COL5A1: variants seen among roughly 807,000 people sequenced by gnomAD.
The protein encoded by COL5A1 is collagen type V alpha 1 chain, also known as collagen alpha-1(V) chain.
In COL5A1, 16 loss-of-function variants were observed where a neutral mutation model predicts 263.7. The observed-to-expected ratio is 0.06, with a 90% confidence interval of 0.04 to 0.09. COL5A1 has a LOEUF of 0.09. COL5A1 is among the 10% of genes least tolerant of loss of function. The pLI is 1.00. For missense variants in COL5A1, 2,036 were observed against 2,540.5 expected, an observed-to-expected ratio of 0.80 and a Z score of 4.27; for synonymous variants, 1,012 against 1,004.5, an observed-to-expected ratio of 1.01 and a Z score of -0.14.
chr9:134,736,442 C>G (rs1412327666), intron 9 of COL5A1, among the ~76,000 whole-genome samples: 1 of 152,206 alleles, frequency 6.6e-6, no homozygotes, highest in Non-Finnish European at 1.5e-5. Context: ...CCTAACGAGC[C>G]CGCTCCCATC....
At chr9:134,663,679 G>A (rs1832275220) in intron 1 of COL5A1, among the ~76,000 whole-genome samples, 1 of 152,228 alleles carries the variant, frequency 6.6e-6, no homozygotes, top group Non-Finnish European at 1.5e-5. Flanking sequence ...AAAGTACAGA[G>A]GGAAATGCGT....
chr9:134,685,924 A>G (rs372298474), intron 1 of COL5A1, among the ~76,000 whole-genome samples: 11,572 of 143,500 alleles, frequency 0.081, 506 homozygotes, highest in Non-Finnish European at 0.094. Flanking sequence ...CCATTCATCC[A>G]TCCACCCATC....
chr9:134,826,449 C>A (rs1434912974), intron 63 of COL5A1, among the ~76,000 whole-genome samples: 2 of 152,168 alleles, frequency 1.3e-5, no homozygotes, highest in Non-Finnish European at 2.9e-5. Context: ...ACTTAAATAC[C>A]CACCTCTGTG....
chr9:134,701,373 C>A, intron 4 of COL5A1, 40 bp downstream of exon 4: 1 of 1,598,994 alleles, frequency 6.3e-7, no homozygotes, highest in Non-Finnish European at 8.5e-7. Context: ...CCCACCAGGG[C>A]ACTCCTCCTG....
chr9:134,819,781 G>A (rs118043295), intron 57 of COL5A1, among the ~76,000 whole-genome samples: 2,970 of 152,342 alleles, frequency 0.019, 43 homozygotes, highest in Non-Finnish European at 0.031. Flanking sequence ...AGGAGCAGGC[G>A]TTCGGATTTG....
At chr9:134,763,142 T>C (rs1242561871) in intron 19 of COL5A1, among the ~76,000 whole-genome samples, 1 of 152,186 alleles carries the variant, frequency 6.6e-6, no homozygotes, top group Non-Finnish European at 1.5e-5. Context: ...TGAGCATACA[T>C]GCTTGCATGT....
intron 1 of COL5A1, among the ~76,000 whole-genome samples, chr9:134,679,488 G>C (rs1288718203): frequency 2.6e-4 from 14 of 52,980 alleles, no homozygotes; most frequent in East Asian, 6.2e-4. Flanking sequence ...TGTGGGGCTG[G>C]TTAGGGGCAC....
rs1837600338 is a variant in COL5A1 at position 134,789,656 on chromosome 9, G to A, written c.2700+448G>A. On this transcript the variant is annotated intron_variant, in intron 32 of 65. Transcript: ENST00000371817. This position sits in a 1 kb window ranked among gnomAD's most constrained non-coding sequence, Gnocchi z 4.8. ...CATTTAAATTAACATTAACTTGGACGGGATTAGCAAGCTGCCATTGTCATA... is the reference window on the plus strand; with the variant it reads ...CATTTAAATTAACATTAACTTGGACAGGATTAGCAAGCTGCCATTGTCATA... Among the ~76,000 whole-genome samples the A allele has an allele frequency of 2.0e-5, 3 of 152,170 alleles. No individual in the cohort carries two copies. Among genetic ancestry groups the A allele is most frequent in the South Asian group, 2.1e-4 (1 of 4,828 alleles).
chr9:134,703,247 A>C (rs1833731202), intron 4 of COL5A1, among the ~76,000 whole-genome samples: 1 of 152,180 alleles, frequency 6.6e-6, no homozygotes, highest in African/African-American at 2.4e-5. Flanking sequence ...CTATTGAGAC[A>C]CACCCTCCGG....
chr9:134,827,581 C>T (rs114677196), intron 63 of COL5A1, among the ~76,000 whole-genome samples: 2,135 of 152,352 alleles, frequency 0.014, 56 homozygotes, highest in African/African-American at 0.048. Flanking sequence ...AATCACGGGC[C>T]AGACTCCTCC....
intron 18 of COL5A1, among the ~76,000 whole-genome samples, chr9:134,760,727 GCACACACACCACACATGCA>G (rs1821337254): frequency 9.3e-6 from 1 of 107,706 alleles, no homozygotes; most frequent in African/African-American, 3.8e-5. Context: ...ATACACACAT[GCACACACACCACACATGCA>G]CACACACCCC....
intron 53 of COL5A1, 33 bp from the exon 54 acceptor site, chr9:134,817,745 A>T (rs564796732): frequency 1.2e-6 from 2 of 1,606,532 alleles, no homozygotes; most frequent in Admixed American, 3.4e-5. Flanking sequence ...TGCAGGCCAC[A>T]CTCACCACCT....
chr9:134,643,056 T>A (rs570784759), intron 1 of COL5A1, among the ~76,000 whole-genome samples: 28 of 152,302 alleles, frequency 1.8e-4, no homozygotes, highest in African/African-American at 6.7e-4. Flanking sequence ...AGATGTGGGA[T>A]TCCTTCTGCC....
Position 134,768,586 on chromosome 9 carries a change from A to T in COL5A1, c.2286+123A>T, listed in dbSNP as rs1440867163. ...GCATTGACTCATTCTGGCTCTGTTGATGAAGACCCGTTTGGTCTCCAGTTG... is the reference window on the plus strand; with the variant it reads ...GCATTGACTCATTCTGGCTCTGTTGTTGAAGACCCGTTTGGTCTCCAGTTG... On this transcript the variant is annotated intron_variant, in intron 25 of 65. Coordinates refer to ENST00000371817, the MANE Select transcript of COL5A1 (RefSeq NM_000093.5). 5 of 988,784 alleles carry T rather than the reference A, an allele frequency of 5.1e-6. No homozygotes were observed. In the South Asian group the frequency reaches 6.7e-5, roughly 13 times the overall value. The allele number at this position is 988,784 out of a possible 1,614,324, so 61.3% of individuals were successfully genotyped here. A position where few individuals can be genotyped will look rare whatever the true frequency, so the allele number is the denominator to read the frequency against.
rs1564488144 is a variant in COL5A1 at position 134,825,796 on chromosome 9, A to C, written c.4959A>C (p.Glu1653Asp). ...CTCCCCGTCTCTGAAATCCAGGTGA[A>C]TACTGGGTCGATCCTAACCAAGGAT... ...QLCHPDFPDG[E>D]YWVDPNQGCS... The change falls in exon 63 of 66, where the codon GAA becomes GAC. Residue 1653 changes from glutamate (E) to aspartate (D), a missense_variant. Glu to Asp is a conservative substitution (Grantham distance 45). This residue lies in a region of COL5A1 where 358 missense variants were observed against 384.6 expected (regional missense o/e 0.93). Transcript: ENST00000371817. The C allele has an allele frequency of 6.2e-7, 1 of 1,609,538 alleles. No homozygotes were observed. The highest frequency in any genetic ancestry group is 2.2e-5 in the East Asian group (1 of 44,774).
At position 134,758,379 on chromosome 9, in the gene COL5A1, C is replaced by A; in HGVS notation, c.1935+83C>A. On this transcript the variant is annotated intron_variant, in intron 18 of 65. Transcript: ENST00000371817. The surrounding 1 kb of genome is among the most constrained non-coding windows in gnomAD (Gnocchi z 4.1). ...GGAGGCCCTTCTCCTTCCAGGCAGC[C>A]TCAGATTTCCTGTGGGGTCAGGTCT... 3 of 1,417,090 alleles carry A rather than the reference C, an allele frequency of 2.1e-6. No individual in the cohort carries two copies. The highest frequency in any genetic ancestry group is 3.0e-6 in the Non-Finnish European group (3 of 1,004,852). The allele number at this position is 1,417,090 out of a possible 1,614,324, so 87.8% of individuals were successfully genotyped here.
At chr9:134,815,426 A>C in intron 50 of COL5A1, 150 bp from the exon 51 acceptor site, 1 of 809,340 alleles carries the variant, frequency 1.2e-6, no homozygotes, top group Non-Finnish European at 2.1e-6. Flanking sequence ...TCTCTGGGCC[A>C]TAAAGTGCAC....
chr9:134,728,552 G>A (rs1036335186), intron 5 of COL5A1, 118 bp from the exon 6 acceptor site: 6 of 1,467,740 alleles, frequency 4.1e-6, no homozygotes, highest in East Asian at 2.3e-5. Flanking sequence ...GGAGGTTCAC[G>A]CCTGGGGCTG....
intron 4 of COL5A1, among the ~76,000 whole-genome samples, chr9:134,714,793 ATTGTGG>A (rs1280333332): frequency 2.4e-5 from 1 of 42,076 alleles, no homozygotes; most frequent in Non-Finnish European, 5.0e-5. Flanking sequence ...GGTGGAGGTG[ATTGTGG>A]TGGTGGTGGT....
Sources: gnomAD v4.1 joint callset for allele counts (sites outside exome capture counted in the v4.1 genomes callset) on GRCh38, gnomAD v4.1.1 for gene constraint, gnomAD v4.1.1 regional missense constraint, Gnocchi (gnomAD v3.1) non-coding constraint, MANE v1.5 for transcripts, NCBI Gene and HGNC (gene_info 2026-07-23, HGNC 2026-07-21) for gene names.